Variants in ELN observed in about 807,000 individuals in gnomAD.
The protein encoded by ELN is elastin.
ELN carries 65 observed loss-of-function variants against 105.8 expected under a neutral mutation model. That is an observed-to-expected ratio of 0.61 (90% CI 0.50 to 0.75). ELN has a LOEUF of 0.75. Ranked by LOEUF, ELN falls within the 30% of genes least tolerant of loss-of-function variation. ELN has a pLI of 0.00. For synonymous variants in ELN, 368 were observed against 389.2 expected (o/e 0.95, Z 0.64); for missense variants, 882 against 969.4 (o/e 0.91, Z 1.20).
intron 18 of ELN, among the ~76,000 whole-genome samples, chr7:74,053,876 T>C (rs1253502432): frequency 2.0e-5 from 3 of 150,804 alleles, no homozygotes; most frequent in African/African-American, 7.3e-5. Context: ...GATGGGGGCA[T>C]GGATGGATGG....
At chr7:74,059,736 G>A in intron 22 of ELN, 150 bp from the exon 23 acceptor site, 1 of 759,712 alleles carries the variant, frequency 1.3e-6, no homozygotes, top group Non-Finnish European at 2.4e-6. Flanking sequence ...ATATTAGGGA[G>A]GAGGAAGCTG....
chr7:74,046,269 G>A (rs1554672127), intron 11 of ELN, 52 bp downstream of exon 11: 3 of 1,613,160 alleles, frequency 1.9e-6, no homozygotes, highest in East Asian at 4.5e-5. Flanking sequence ...CAGAGGCTCT[G>A]GCGTTGGGAG....
At chr7:74,029,350 A>G (rs1413312358) in intron 1 of ELN, among the ~76,000 whole-genome samples, 1 of 152,144 alleles carries the variant, frequency 6.6e-6, no homozygotes, top group Non-Finnish European at 1.5e-5. Context: ...ATGTGCCCCA[A>G]CCCAGGCACA....
At chr7:74,047,784 T>C in intron 13 of ELN, 68 bp downstream of exon 13, 1 of 1,609,242 alleles carries the variant, frequency 6.2e-7, no homozygotes, top group Non-Finnish European at 8.5e-7. Context: ...GCAAGGGTGC[T>C]GTGCTTCCAG....
Position 74,068,637 on chromosome 7 carries a change from G to A in ELN, c.2132-20G>A. The A allele has an allele frequency of 6.2e-7, 1 of 1,614,140 alleles. No individual in the cohort carries two copies. Among genetic ancestry groups the A allele is most frequent in the Non-Finnish European group, 8.5e-7 (1 of 1,180,010 alleles). On this transcript the variant is annotated intron_variant, in intron 32 of 32. Coordinates refer to ENST00000252034, the MANE Select transcript of ELN (RefSeq NM_000501.4). Reference sequence around the variant, plus strand: ...TGAGAGGGGCCGGACTCACAGTGATGTGCACCTCCTCCCGTCCAGGTGGGG... The same window carrying A: ...TGAGAGGGGCCGGACTCACAGTGATATGCACCTCCTCCCGTCCAGGTGGGG...
intron 9 of ELN, among the ~76,000 whole-genome samples, 155 bp downstream of exon 9, chr7:74,044,075 C>T (rs1366414421): frequency 6.6e-6 from 1 of 151,912 alleles, no homozygotes; most frequent in Non-Finnish European, 1.5e-5. Context: ...GTAAGGCCCT[C>T]GTCTCTACAA....
At chr7:74,068,493 G>A (rs981575785) in intron 32 of ELN, among the ~76,000 whole-genome samples, 164 bp from the exon 33 acceptor site, 14 of 152,226 alleles carry the variant, frequency 9.2e-5, no homozygotes, top group African/African-American at 3.1e-4. Context: ...CATCTGTCCA[G>A]TGGAAGTTGA....
chr7:74,056,390 G>A lies in ELN; in HGVS notation c.1270G>A (p.Gly424Arg), dbSNP rs782066007. 44 of 1,613,498 alleles carry A rather than the reference G, an allele frequency of 2.7e-5. 2 individuals carry two copies. The highest frequency in any genetic ancestry group is 1.3e-4 in the South Asian group (12 of 91,058). The stretch of plus-strand genomic sequence containing the variant: ...TGGAGTCGCAGGTGTCCCTGGTGTC[G>A]GAGGTGTTCCCGGAGTCGGAGGTGT... ...IPGVAGVPGVGGVPGVGGVPG... is the reference protein window; with the variant it reads ...IPGVAGVPGVRGVPGVGGVPG... Residue 424 changes from glycine to arginine, a missense_variant, in exon 20 of 33, where the codon GGA becomes AGA. Transcript: ENST00000252034.
chr7:74,036,264 A>G (rs1348936484), intron 2 of ELN, among the ~76,000 whole-genome samples: 1 of 152,074 alleles, frequency 6.6e-6, no homozygotes, highest in Non-Finnish European at 1.5e-5. Context: ...ACTGCACTCC[A>G]GCCTGGGCGA....
chr7:74,051,780 T>G lies in ELN; in HGVS notation c.830T>G (p.Val277Gly), dbSNP rs782135037. ...GAGAAGVLPG[V>G]GGAGVPGVPG... ...GGAGCAGCCGGAGTCCTCCCTGGTGTTGGAGGGGCTGGTGTTCCTGGCGTG... is the reference window on the plus strand; with the variant it reads ...GGAGCAGCCGGAGTCCTCCCTGGTGGTGGAGGGGCTGGTGTTCCTGGCGTG... The change falls in exon 16 of 33, where the codon GTT becomes GGT. Residue 277 changes from valine (V) to glycine (G), a missense_variant. Physicochemically the swap from Val to Gly is moderately radical, Grantham distance 109. Transcript: ENST00000252034. 1 of 1,614,188 alleles carries G rather than the reference T, an allele frequency of 6.2e-7. No individual in the cohort carries two copies. The highest frequency in any genetic ancestry group is 1.1e-5 in the South Asian group (1 of 91,086).
In ELN at chr7:74,053,235, T is replaced by A; in HGVS notation, c.1022T>A (p.Val341Asp). 1 of 1,614,066 alleles carries A rather than the reference T, an allele frequency of 6.2e-7. No individual in the cohort carries two copies. Among genetic ancestry groups the A allele is most frequent in the Non-Finnish European group, 8.5e-7 (1 of 1,180,020 alleles). Residue 341 changes from valine to aspartate, a missense_variant, in exon 18 of 33, where the codon GTT becomes GAT. Coordinates refer to ENST00000252034, the MANE Select transcript of ELN (RefSeq NM_000501.4). The part of the protein sequence containing the change: ...PGVVGVPGAG[V>D]PGVGVPGAGI... ...GTAGTTGGTGTCCCAGGAGCTGGCG[T>A]TCCAGGTGTTGGTGTCCCAGGAGCT...
intron 15 of ELN, 59 bp from the exon 16 acceptor site, chr7:74,051,691 C>T: frequency 2.5e-6 from 4 of 1,596,266 alleles, no homozygotes; most frequent in Non-Finnish European, 3.4e-6. Context: ...AAGTGGCCAT[C>T]CTGCCTGTCC....
chr7:74,035,470 T>TA, intron 2 of ELN, 56 bp downstream of exon 2: 1 of 1,599,166 alleles, frequency 6.3e-7, no homozygotes, highest in East Asian at 2.2e-5. Flanking sequence ...CTGATGTCCA[T>TA]AATAGATGCA....
At chr7:74,048,725 C>A (rs1198839690) in intron 15 of ELN, among the ~76,000 whole-genome samples, 169 bp downstream of exon 15, 3 of 152,144 alleles carry the variant, frequency 2.0e-5, no homozygotes, top group African/African-American at 7.2e-5. Context: ...TTCCATGCAT[C>A]CATGTATCCA....
At position 74,047,719 on chromosome 7, in the gene ELN, G is replaced by A; in HGVS notation, c.685+3G>A. On this transcript the variant is annotated splice_donor_region_variant and intron_variant, in intron 13 of 32. Transcript: ENST00000252034. ...CACCACAGGGAAACTGCCCTATGGT[G>A]AGTGAGACCCTTCTAGACTGTGGGC... 6.2e-7 allele frequency: 1 copy of A among 1,614,168 alleles called. No homozygotes were observed. The highest frequency in any genetic ancestry group is 8.5e-7 in the Non-Finnish European group (1 of 1,180,018).
At chr7:74,066,649 G>A (rs1473962969) in intron 31 of ELN, 83 bp from the exon 32 acceptor site, 5 of 1,383,580 alleles carry the variant, frequency 3.6e-6, no homozygotes, top group South Asian at 1.2e-5. Flanking sequence ...GAGGTCTTGG[G>A]TGAGCCAGTG....
At chr7:74,049,863 T>C (rs1270644121) in intron 15 of ELN, among the ~76,000 whole-genome samples, 1 of 150,236 alleles carries the variant, frequency 6.7e-6, no homozygotes, top group African/African-American at 2.5e-5. Context: ...CACTCATCCA[T>C]CCATCCATTT....
intron 4 of ELN, among the ~76,000 whole-genome samples, chr7:74,038,852 C>T (rs913952777): frequency 1.3e-5 from 2 of 152,242 alleles, no homozygotes; most frequent in South Asian, 2.1e-4. Context: ...AACACCAGGG[C>T]TGGAGCCAGG....
chr7:74,038,079 G>A (rs1413557476), intron 4 of ELN: 8 of 377,578 alleles, frequency 2.1e-5, no homozygotes, highest in African/African-American at 1.3e-4. Flanking sequence ...GGATTGCTCC[G>A]GTTCCAGTGG....
Sources: gnomAD v4.1 joint callset for allele counts (sites outside exome capture counted in the v4.1 genomes callset) on GRCh38, gnomAD v4.1.1 for gene constraint, MANE v1.5 for transcripts, NCBI Gene and HGNC (gene_info 2026-07-23, HGNC 2026-07-21) for gene names.